RSBN1: variants seen among roughly 807,000 people sequenced by gnomAD.
The protein encoded by RSBN1 is round spermatid basic protein 1, also known as lysine-specific demethylase 9.
RSBN1 carries 23 observed loss-of-function variants against 74.8 expected under a neutral mutation model. That is an observed-to-expected ratio of 0.31 (90% CI 0.22 to 0.44). RSBN1 has a LOEUF of 0.44. RSBN1 is among the 20% of genes least tolerant of loss of function. The pLI, the probability that RSBN1 is intolerant of heterozygous loss-of-function variation, is 1.00. For synonymous variants in RSBN1, 407 were observed against 379.6 expected, an observed-to-expected ratio of 1.07 and a Z score of -0.84; for missense variants, 808 against 1,020.9, an observed-to-expected ratio of 0.79 and a Z score of 2.84.
At chr1:113,774,217 T>C (rs763319449) in intron 4 of RSBN1, among the ~76,000 whole-genome samples, 1 of 152,092 alleles carries the variant, frequency 6.6e-6, no homozygotes, top group South Asian at 2.1e-4. Flanking sequence ...CATCACGCAA[T>C]GTGGAACTGG....
chr1:113,781,847 G>T (rs532337621), intron 2 of RSBN1, among the ~76,000 whole-genome samples: 1 of 152,176 alleles, frequency 6.6e-6, no homozygotes, highest in South Asian at 2.1e-4. Flanking sequence ...CCTTAATTCA[G>T]GAAATTATCA....
chr1:113,809,048 T>TAA, intron 1 of RSBN1, among the ~76,000 whole-genome samples: 1 of 143,018 alleles, frequency 7.0e-6, no homozygotes. Context: ...ATTAATTATC[T>TAA]AAAAAAAAAA....
chr1:113,762,469 G>A lies in RSBN1; in HGVS notation c.*3511C>T, dbSNP rs1659697074. ...TGGCCAATAAATACAGCTACGACCT[G>A]TTTGAAAAACAAAACAGATGTGAAC... On this transcript the variant is annotated 3_prime_UTR_variant, in exon 7 of 7. Coordinates refer to ENST00000261441, the MANE Select transcript of RSBN1 (RefSeq NM_018364.5). 1 of 152,470 alleles carries A rather than the reference G, an allele frequency of 6.6e-6. No homozygotes were observed. The highest frequency in any genetic ancestry group is 2.1e-4 in the South Asian group (1 of 4,834). 9.4% of individuals were successfully genotyped at this position (152,470 alleles called of 1,614,324 possible).
intron 2 of RSBN1, among the ~76,000 whole-genome samples, chr1:113,784,750 T>C (rs776446083): frequency 6.6e-6 from 1 of 152,140 alleles, no homozygotes; most frequent in Non-Finnish European, 1.5e-5. Flanking sequence ...ACCAGTACAG[T>C]TGAGGACCCC....
At chr1:113,811,619 C>T (rs1660849725) in intron 1 of RSBN1, 91 bp downstream of exon 1, 3 of 1,476,964 alleles carry the variant, frequency 2.0e-6, no homozygotes, top group African/African-American at 2.8e-5. Flanking sequence ...AGAAGGTAAG[C>T]AGGGGTTTGG....
intron 2 of RSBN1, among the ~76,000 whole-genome samples, chr1:113,794,722 AT>A (rs1255868793): frequency 6.6e-6 from 1 of 152,132 alleles, no homozygotes; most frequent in African/African-American, 2.4e-5. Context: ...TGCTCCCTCT[AT>A]TACAGGGTTT....
intron 1 of RSBN1, 86 bp from the exon 2 acceptor site, chr1:113,798,122 CCT>C: frequency 8.6e-7 from 1 of 1,168,172 alleles, no homozygotes; most frequent in African/African-American, 1.5e-5. Flanking sequence ...CATTAAATAG[CCT>C]ATCCTCAATT....
At position 113,809,796 on chromosome 1, in the gene RSBN1, T is replaced by C. The variant is rs72990460; in HGVS notation, c.703+1914A>G. Among the ~76,000 whole-genome samples the C allele has an allele frequency of 1.8e-3, 274 of 152,344 alleles. 1 individual carries two copies. Among genetic ancestry groups the C allele is most frequent in the African/African-American group, 6.2e-3 (259 of 41,600 alleles). ...GCCACTAGCCATATGTGACTAATTATAAATTAATTAGAATTAAATAAAATC... is the reference window on the plus strand; with the variant it reads ...GCCACTAGCCATATGTGACTAATTACAAATTAATTAGAATTAAATAAAATC... On this transcript the variant is annotated intron_variant, in intron 1 of 6. Coordinates refer to ENST00000261441, the MANE Select transcript of RSBN1 (RefSeq NM_018364.5).
In RSBN1 at chr1:113,811,756, G is replaced by C; in HGVS notation, c.657C>G (p.Asn219Lys). The C allele has an allele frequency of 6.2e-7, 1 of 1,612,886 alleles. No homozygotes were observed. Among genetic ancestry groups the C allele is most frequent in the Non-Finnish European group, 8.5e-7 (1 of 1,179,458 alleles). The change falls in exon 1 of 7, where the codon AAC becomes AAG. Residue 219 changes from asparagine to lysine, a missense_variant. Physicochemically the swap from Asn to Lys is moderately conservative, Grantham distance 94. This residue lies in a region of RSBN1 where 464 missense variants were observed against 401.0 expected (regional missense o/e 1.16). Transcript: ENST00000261441. Reference sequence around the variant, plus strand: ...GAGGCACCCCTCCAGTCCTCTCGCCGTTTTCCTGCTTGTCCTTGTGCTTGA... The same window carrying C: ...GAGGCACCCCTCCAGTCCTCTCGCCCTTTTCCTGCTTGTCCTTGTGCTTGA... ...TDLKHKDKQE[N>K]GERTGGVPLI...
At chr1:113,810,841 T>G (rs1660822905) in intron 1 of RSBN1, among the ~76,000 whole-genome samples, 1 of 152,226 alleles carries the variant, frequency 6.6e-6, no homozygotes, top group South Asian at 2.1e-4. Context: ...GCATCACATT[T>G]CTTCCACAAA....
intron 1 of RSBN1, among the ~76,000 whole-genome samples, chr1:113,802,796 C>T (rs1217378): frequency 0.56 from 85,657 of 151,680 alleles, 25,002 homozygotes; most frequent in African/African-American, 0.66. Flanking sequence ...TATCATCACC[C>T]CCAGCCAGAG....
chr1:113,768,069 A>C, intron 5 of RSBN1, 153 bp downstream of exon 5: 2 of 568,754 alleles, frequency 3.5e-6, no homozygotes, highest in Non-Finnish European at 2.9e-6. Flanking sequence ...AAGATGCTTA[A>C]CTCTACCAAA....
At chr1:113,794,801 T>C (rs1204997004) in intron 2 of RSBN1, among the ~76,000 whole-genome samples, 1 of 152,152 alleles carries the variant, frequency 6.6e-6, no homozygotes, top group Non-Finnish European at 1.5e-5. Context: ...TCTCCCCCAC[T>C]AGACTGAGCT....
intron 6 of RSBN1, among the ~76,000 whole-genome samples, chr1:113,766,732 T>C (rs1659787609): frequency 6.6e-6 from 1 of 152,202 alleles, no homozygotes; most frequent in South Asian, 2.1e-4. Flanking sequence ...TAAGTATCAA[T>C]ATTCTTTACC....
At chr1:113,792,985 G>GT (rs1374453659) in intron 2 of RSBN1, among the ~76,000 whole-genome samples, 1 of 152,222 alleles carries the variant, frequency 6.6e-6, no homozygotes, top group African/African-American at 2.4e-5. Flanking sequence ...TTTCTAGAAT[G>GT]TTAAAAGAAA....
chr1:113,786,420 G>C (rs1660244032), intron 2 of RSBN1, among the ~76,000 whole-genome samples: 1 of 152,200 alleles, frequency 6.6e-6, no homozygotes, highest in Non-Finnish European at 1.5e-5. Flanking sequence ...TAAGGATCCT[G>C]AGATGGGGAG....
chr1:113,797,496 A>G lies in RSBN1; in HGVS notation c.1244T>C (p.Val415Ala). ...TGGGAGATAAGCAGCCGCTCCATGCACTATTGCTAAAGCATAGTAAGCAGC... is the reference window on the plus strand; with the variant it reads ...TGGGAGATAAGCAGCCGCTCCATGCGCTATTGCTAAAGCATAGTAAGCAGC... The part of the protein sequence containing the change: ...KNAAYYALAI[V>A]HGAAAYLPDF... The change falls in exon 2 of 7, where the codon GTG becomes GCG. Residue 415 changes from valine to alanine, a missense_variant. Physicochemically the swap from Val to Ala is moderately conservative, Grantham distance 64 (BLOSUM62 0). Around this residue, in one of 6 missense-constraint regions of RSBN1, gnomAD observed 112 missense variants for 257.3 expected, o/e 0.44. Transcript: ENST00000261441. 2 of 1,614,070 alleles carry G rather than the reference A, an allele frequency of 1.2e-6. No individual in the cohort carries two copies. Among genetic ancestry groups the G allele is most frequent in the Non-Finnish European group, 1.7e-6 (2 of 1,179,972 alleles).
At chr1:113,787,274 G>C (rs529594043) in intron 2 of RSBN1, among the ~76,000 whole-genome samples, 2 of 152,070 alleles carry the variant, frequency 1.3e-5, no homozygotes, top group African/African-American at 4.8e-5. Context: ...TCTATTCCTT[G>C]TCAAAATCCC....
intron 6 of RSBN1, 124 bp downstream of exon 6, chr1:113,766,975 C>CT: frequency 7.1e-6 from 4 of 565,908 alleles, no homozygotes; most frequent in South Asian, 2.5e-5. Context: ...CCACCCCAGT[C>CT]TTTAACAGTA....
Sources: allele counts gnomAD v4.1 joint callset (sites outside exome capture counted in the v4.1 genomes callset), GRCh38; gene constraint gnomAD v4.1.1; regional missense constraint gnomAD v4.1.1; transcripts MANE v1.5; gene names NCBI Gene and HGNC (gene_info 2026-07-23, HGNC 2026-07-21).